Variants in ADORA2B observed in about 807,000 individuals in gnomAD.
The protein encoded by ADORA2B is adenosine receptor A2b.
A neutral mutation model predicts 20.8 loss-of-function variants in ADORA2B; 18 were observed. That is an observed-to-expected ratio of 0.87 (90% confidence interval 0.60 to 1.29). The LOEUF (loss-of-function observed/expected upper bound fraction) is 1.29, where lower values mean the gene tolerates loss of function less well. Ranked by LOEUF, ADORA2B falls within the 50% of genes most tolerant of loss-of-function variation. The pLI is 0.00. For missense variants in ADORA2B, 441 were observed against 422.7 expected (o/e 1.04, Z -0.38); for synonymous variants, 179 against 178.3 (o/e 1.00, Z -0.03).
At chr17:15,858,113 A>G in the ADORA2B span, among the ~76,000 whole-genome samples, 1 of 151,790 alleles carries the variant, frequency 6.6e-6, no homozygotes, top group African/African-American at 2.4e-5. Context: ...ATTCTTTGGG[A>G]TAAATATCTA....
At chr17:15,889,364 T>A in the ADORA2B span, among the ~76,000 whole-genome samples, 7 of 129,782 alleles carry the variant, frequency 5.4e-5, no homozygotes, top group East Asian at 1.2e-3. Flanking sequence ...AATTTGCTAT[T>A]TTCTGTCCTT....
chr17:15,873,143 C>T, the ADORA2B span, among the ~76,000 whole-genome samples: 2,945 of 152,174 alleles, frequency 0.019, 76 homozygotes, highest in Admixed American at 0.045. Context: ...ATGCTCTTTC[C>T]GCATCTATTG....
At chr17:15,936,764 C>T in the ADORA2B span, among the ~76,000 whole-genome samples, 2 of 152,072 alleles carry the variant, frequency 1.3e-5, no homozygotes, top group Non-Finnish European at 2.9e-5. Context: ...GAGACCAGGC[C>T]GGAAAACAAA....
the ADORA2B span, among the ~76,000 whole-genome samples, chr17:15,929,567 G>A: frequency 1.3e-5 from 2 of 152,148 alleles, no homozygotes; most frequent in East Asian, 1.9e-4. Context: ...CTGCCCACCC[G>A]CATTCACAGC....
At chr17:15,893,379 T>C in the ADORA2B span, among the ~76,000 whole-genome samples, 1 of 152,272 alleles carries the variant, frequency 6.6e-6, no homozygotes, top group African/African-American at 2.4e-5. Context: ...TTTCTGTTTT[T>C]GCTTTTTCCT....
rs148175706 is a variant in ADORA2B, at chr17:15,967,642, C to T, written c.336-7037C>T. Among the ~76,000 whole-genome samples, 557 of 152,018 alleles carry T rather than the reference C, an allele frequency of 3.7e-3. 2 individuals carry two copies. Among genetic ancestry groups the T allele is most frequent in the African/African-American group, 0.013 (529 of 41,410 alleles). On this transcript the variant is annotated intron_variant, in intron 1 of 1. Coordinates refer to ENST00000304222, the MANE Select transcript of ADORA2B (RefSeq NM_000676.4). ...CTGTACTGTTGCACTCCAGCCTGGACGACAGAGTGAGATTCCGTCTCAAAA... is the reference window on the plus strand; with the variant it reads ...CTGTACTGTTGCACTCCAGCCTGGATGACAGAGTGAGATTCCGTCTCAAAA...
intron 1 of ADORA2B, among the ~76,000 whole-genome samples, chr17:15,958,071 G>A (rs555245358): frequency 1.3e-5 from 2 of 150,272 alleles, no homozygotes; most frequent in African/African-American, 2.4e-5. Flanking sequence ...CCAGGCTGGA[G>A]TACAATGGTG....
At chr17:15,883,963 G>C in the ADORA2B span, among the ~76,000 whole-genome samples, 1 of 152,188 alleles carries the variant, frequency 6.6e-6, no homozygotes, top group African/African-American at 2.4e-5. Flanking sequence ...AAGTGCATTT[G>C]GTCTTGACCA....
At chr17:15,909,817 C>T in the ADORA2B span, among the ~76,000 whole-genome samples, 76 of 152,274 alleles carry the variant, frequency 5.0e-4, no homozygotes, top group African/African-American at 1.8e-3. Context: ...AAAAAGAAGC[C>T]CTTAGGGATG....
At chr17:15,881,143 C>T in the ADORA2B span, among the ~76,000 whole-genome samples, 7 of 152,022 alleles carry the variant, frequency 4.6e-5, no homozygotes, top group Non-Finnish European at 7.4e-5. Flanking sequence ...TCTCTGTCGC[C>T]CAGGCTGGAG....
Position 15,975,664 on chromosome 17 carries a change from G to C in ADORA2B, c.*322G>C. The C allele has an allele frequency of 3.2e-6, 1 of 316,802 alleles. No homozygotes were observed. The highest frequency in any genetic ancestry group is 5.9e-5 in the South Asian group (1 of 17,072). 19.6% of individuals were successfully genotyped at this position (316,802 alleles called of 1,614,324 possible). A position where few individuals can be genotyped will look rare whatever the true frequency, so the allele number is the denominator to read the frequency against. ...AAAATTACTGAAACTATTTTACTGTGAAACAGTGTGAACTATTATAATGCA... is the reference window on the plus strand; with the variant it reads ...AAAATTACTGAAACTATTTTACTGTCAAACAGTGTGAACTATTATAATGCA... On this transcript the variant is annotated 3_prime_UTR_variant, in exon 2 of 2. Transcript: ENST00000304222.
At chr17:15,961,275 T>TG (rs1230384371) in intron 1 of ADORA2B, among the ~76,000 whole-genome samples, 4 of 146,622 alleles carry the variant, frequency 2.7e-5, no homozygotes, top group African/African-American at 1.1e-4. Flanking sequence ...GACCTTTTCT[T>TG]GGGGAAAAAA....
At chr17:15,862,211 CTTTTTTTTT>C in the ADORA2B span, among the ~76,000 whole-genome samples, 13 of 96,290 alleles carry the variant, frequency 1.4e-4, no homozygotes, top group Non-Finnish European at 2.0e-4. Flanking sequence ...CTTTTCTTTT[CTTTTTTTTT>C]TTTTTTTTTT....
the ADORA2B span, among the ~76,000 whole-genome samples, chr17:15,900,051 C>T: frequency 2.6e-5 from 4 of 151,916 alleles, no homozygotes; most frequent in East Asian, 1.9e-4. Flanking sequence ...AGGGTGGTCT[C>T]GATCTCTTGA....
At position 15,961,970 on chromosome 17, in the gene ADORA2B, G is replaced by A. The variant is rs114469439; in HGVS notation, c.336-12709G>A. On this transcript the variant is annotated intron_variant, in intron 1 of 1. Transcript: ENST00000304222. ...AAGTTTCTAACCCATGAACTTCGGGGGGCACATTCAAATCACAGCAACCAC... is the reference window on the plus strand; with the variant it reads ...AAGTTTCTAACCCATGAACTTCGGGAGGCACATTCAAATCACAGCAACCAC... Among the ~76,000 whole-genome samples the A allele has an allele frequency of 6.9e-3, 1,052 of 152,212 alleles. 20 individuals carry two copies. The highest frequency in any genetic ancestry group is 0.024 in the African/African-American group (984 of 41,538).
At chr17:15,898,786 TG>T in the ADORA2B span, among the ~76,000 whole-genome samples, 1 of 152,226 alleles carries the variant, frequency 6.6e-6, no homozygotes, top group African/African-American at 2.4e-5. Flanking sequence ...TTTGGATGGA[TG>T]GTCTGTGAGG....
intron 1 of ADORA2B, among the ~76,000 whole-genome samples, chr17:15,965,415 G>GA (rs1423777894): frequency 6.6e-6 from 1 of 152,196 alleles, no homozygotes; most frequent in Non-Finnish European, 1.5e-5. Flanking sequence ...GAAAGAGACA[G>GA]AAAATGCAGT....
At chr17:15,913,575 G>A in the ADORA2B span, among the ~76,000 whole-genome samples, 2 of 152,124 alleles carry the variant, frequency 1.3e-5, no homozygotes, top group Non-Finnish European at 2.9e-5. Context: ...ATCACTTATG[G>A]TATCATGAAT....
chr17:15,944,778 TG>T (rs1482118801), upstream of ADORA2B: 3 of 151,996 alleles, frequency 2.0e-5, no homozygotes, highest in Admixed American at 1.3e-4. The surrounding 1 kb of genome is among the most constrained non-coding windows in gnomAD (Gnocchi z 4.8). Flanking sequence ...TGCGCGGCCC[TG>T]GGGGGTCCTC....
Sources: gnomAD v4.1 joint callset for allele counts (sites outside exome capture counted in the v4.1 genomes callset) on GRCh38, gnomAD v4.1.1 for gene constraint, Gnocchi (gnomAD v3.1) non-coding constraint, MANE v1.5 for transcripts, NCBI Gene and HGNC (gene_info 2026-07-23, HGNC 2026-07-21) for gene names.